Variants in SMAP1 observed in about 807,000 individuals in gnomAD.
The protein encoded by SMAP1 is small ArfGAP 1, also known as stromal membrane-associated protein 1.
Under a neutral mutation model 58.5 loss-of-function variants are expected in SMAP1, and 24 were observed. The observed-to-expected ratio is 0.41, with a 90% CI of 0.30 to 0.58. The LOEUF is 0.58. Among genes scored for constraint, SMAP1 ranks in the 20% least tolerant of loss-of-function variants. SMAP1 has a pLI of 0.29. For missense variants in SMAP1, 563 were observed against 566.3 expected (o/e 0.99, Z 0.06); for synonymous variants, 216 against 196.6 (o/e 1.10, Z -0.82).
intron 3 of SMAP1, among the ~76,000 whole-genome samples, chr6:70,770,456 T>G (rs1767230823): frequency 6.6e-6 from 1 of 152,206 alleles, no homozygotes; most frequent in Non-Finnish European, 1.5e-5. Flanking sequence ...TTCTTTTTAT[T>G]CTTTTTTCTC....
Position 70,798,747 on chromosome 6 carries a change from T to G in SMAP1, c.576+10T>G. On this transcript the variant is annotated intron_variant, in intron 6 of 10. Coordinates refer to ENST00000370455, the MANE Select transcript of SMAP1 (RefSeq NM_001044305.3). ...ACTTACAGCTGAAAAGGTAAAATTC[T>G]TTTTTTAAAAATAATCTATTAGGAT... 1.3e-6 allele frequency: 2 copies of G among 1,539,546 alleles called. No individual in the cohort carries two copies. Among genetic ancestry groups the G allele is most frequent in the East Asian group, 2.4e-5 (1 of 41,908 alleles).
At chr6:70,823,368 G>A (rs1166400514) in intron 6 of SMAP1, among the ~76,000 whole-genome samples, 2 of 152,108 alleles carry the variant, frequency 1.3e-5, no homozygotes, top group East Asian at 3.9e-4. Flanking sequence ...GCACCCCTTA[G>A]GTGAGACAGG....
chr6:70,727,803 C>T (rs1765246779), intron 1 of SMAP1, among the ~76,000 whole-genome samples: 1 of 152,158 alleles, frequency 6.6e-6, no homozygotes, highest in African/African-American at 2.4e-5. Flanking sequence ...TGGCTCATAC[C>T]TGTAATCCCA....
chr6:70,850,157 C>T (rs1426039780), intron 7 of SMAP1, among the ~76,000 whole-genome samples: 1 of 152,116 alleles, frequency 6.6e-6, no homozygotes, highest in African/African-American at 2.4e-5. Context: ...GAAAGCTGTA[C>T]AGTTTATAAA....
chr6:70,784,691 C>G (rs1052021186), intron 4 of SMAP1, among the ~76,000 whole-genome samples: 1 of 152,114 alleles, frequency 6.6e-6, no homozygotes, highest in African/African-American at 2.4e-5. Flanking sequence ...CAACAAAGAT[C>G]AAAAGAGACA....
intron 10 of SMAP1, chr6:70,859,143 A>G (rs1442993445): frequency 1.2e-5 from 6 of 513,018 alleles, no homozygotes; most frequent in East Asian, 6.4e-5. Flanking sequence ...ATCACTATAT[A>G]TCACAGTTAA....
intron 2 of SMAP1, among the ~76,000 whole-genome samples, chr6:70,739,110 G>A (rs1227949397): frequency 6.6e-6 from 1 of 152,162 alleles, no homozygotes; most frequent in Non-Finnish European, 1.5e-5. Context: ...AATTTTACAT[G>A]AGATGTGCAA....
chr6:70,815,112 T>C (rs1769562352), intron 6 of SMAP1, among the ~76,000 whole-genome samples: 1 of 152,148 alleles, frequency 6.6e-6, no homozygotes, highest in African/African-American at 2.4e-5. Context: ...CTCACACTAA[T>C]TGCTCGTAAG....
chr6:70,732,311 A>G (rs1160190021), intron 1 of SMAP1, 67 bp from the exon 2 acceptor site: 3 of 1,493,660 alleles, frequency 2.0e-6, no homozygotes, highest in Admixed American at 4.2e-5. Context: ...AATGCTTCTA[A>G]TATGCTGTTA....
At chr6:70,843,742 C>T (rs1770885689) in intron 7 of SMAP1, among the ~76,000 whole-genome samples, 1 of 152,196 alleles carries the variant, frequency 6.6e-6, no homozygotes. Flanking sequence ...TGGGTTTTGT[C>T]TGCCCTCTAG....
chr6:70,722,328 A>G (rs1426017843), intron 1 of SMAP1, among the ~76,000 whole-genome samples: 4 of 152,180 alleles, frequency 2.6e-5, no homozygotes, highest in African/African-American at 9.7e-5. Context: ...TTGCCATTTG[A>G]CCCTTTCCAG....
At chr6:70,749,498 C>T (rs997944888) in intron 2 of SMAP1, among the ~76,000 whole-genome samples, 1 of 151,996 alleles carries the variant, frequency 6.6e-6, no homozygotes, top group Non-Finnish European at 1.5e-5. Flanking sequence ...TAACATTTTG[C>T]AGTTTTGCCA....
chr6:70,723,806 T>TA (rs1035578614), intron 1 of SMAP1, among the ~76,000 whole-genome samples: 13 of 152,152 alleles, frequency 8.5e-5, no homozygotes, highest in African/African-American at 7.2e-5. Context: ...ATTTTTTTCC[T>TA]AAAAAAATAG....
intron 6 of SMAP1, among the ~76,000 whole-genome samples, chr6:70,806,492 C>T (rs1472765481): frequency 2.0e-5 from 3 of 152,190 alleles, no homozygotes; most frequent in African/African-American, 7.2e-5. Flanking sequence ...TCCTTCAGCT[C>T]ACCCTCCGTG....
At chr6:70,682,692 A>C (rs575246126) in intron 1 of SMAP1, among the ~76,000 whole-genome samples, 1 of 152,250 alleles carries the variant, frequency 6.6e-6, no homozygotes, top group South Asian at 2.1e-4. Context: ...AACCCGTTTG[A>C]TCTGTATTGC....
At chr6:70,788,895 A>G (rs1214216487) in intron 4 of SMAP1, among the ~76,000 whole-genome samples, 2 of 152,130 alleles carry the variant, frequency 1.3e-5, no homozygotes, top group African/African-American at 4.8e-5. Flanking sequence ...TGGAGAATAG[A>G]TTTGGAGAGG....
chr6:70,718,680 G>A (rs913223318), intron 1 of SMAP1, among the ~76,000 whole-genome samples: 4 of 151,934 alleles, frequency 2.6e-5, no homozygotes, highest in Non-Finnish European at 4.4e-5. Context: ...AATTAGCTGG[G>A]CGTGGTGGCG....
chr6:70,754,672 A>C (rs1029334470), intron 2 of SMAP1, among the ~76,000 whole-genome samples: 2 of 152,082 alleles, frequency 1.3e-5, no homozygotes, highest in Admixed American at 6.6e-5. Flanking sequence ...TACTGCCTAC[A>C]AACTATGAGG....
intron 7 of SMAP1, among the ~76,000 whole-genome samples, chr6:70,842,352 G>A (rs1295079178): frequency 6.6e-6 from 1 of 152,186 alleles, no homozygotes; most frequent in East Asian, 1.9e-4. Context: ...GAAAGAAAAT[G>A]CAGTTACATG....
Sources: allele counts gnomAD v4.1 joint callset (sites outside exome capture counted in the v4.1 genomes callset), GRCh38; gene constraint gnomAD v4.1.1; transcripts MANE v1.5; gene names NCBI Gene and HGNC (gene_info 2026-07-23, HGNC 2026-07-21).